Variants in CEP126 observed in about 807,000 individuals in gnomAD.
The protein encoded by CEP126 is centrosomal protein 126.
CEP126 carries 74 observed loss-of-function variants against 107.8 expected under a neutral mutation model. The observed-to-expected ratio is 0.69, with a 90% CI of 0.57 to 0.83. CEP126 has a LOEUF of 0.83. Ranked by LOEUF, CEP126 falls within the 40% of genes least tolerant of loss-of-function variation. The pLI, the probability that CEP126 is intolerant of heterozygous loss-of-function variation, is 0.00. For synonymous variants in CEP126, 449 were observed against 446.0 expected (o/e 1.01, Z -0.08); for missense variants, 1,237 against 1,281.9 (o/e 0.96, Z 0.53).
intron 5 of CEP126, among the ~76,000 whole-genome samples, chr11:101,961,394 T>C (rs1208694619): frequency 6.6e-6 from 1 of 152,122 alleles, no homozygotes; most frequent in African/African-American, 2.4e-5. Context: ...ATAATTATTT[T>C]TCAGAATCTC....
chr11:101,977,411 T>G (rs1941203291), intron 6 of CEP126, among the ~76,000 whole-genome samples: 1 of 151,808 alleles, frequency 6.6e-6, no homozygotes, highest in African/African-American at 2.4e-5. Context: ...GGCGGGCAGA[T>G]CACAAGGTCA....
At chr11:101,974,424 CAG>C (rs1306758144) in intron 6 of CEP126, among the ~76,000 whole-genome samples, 1 of 152,062 alleles carries the variant, frequency 6.6e-6, no homozygotes, top group Non-Finnish European at 1.5e-5. Flanking sequence ...AAGGAGTAAA[CAG>C]AACTGAAATG....
chr11:101,916,940 C>G (rs1940225175), intron 1 of CEP126, among the ~76,000 whole-genome samples: 1 of 150,662 alleles, frequency 6.6e-6, no homozygotes, highest in Non-Finnish European at 1.5e-5. Flanking sequence ...TAAAAAAGAT[C>G]CTTAAAGGCT....
Position 101,963,154 on chromosome 11 carries a change from G to C in CEP126, c.2119G>C (p.Asp707His). Residue 707 changes from aspartate to histidine, a missense_variant, in exon 6 of 11, where the codon GAC becomes CAC. By Grantham distance (81) the Asp-to-His change is moderately conservative. Around this residue, in one of 3 missense-constraint regions of CEP126, gnomAD observed 1,134 missense variants for 1,150.5 expected, o/e 0.99. Coordinates refer to ENST00000263468, the MANE Select transcript of CEP126 (RefSeq NM_020802.4). The stretch of plus-strand genomic sequence containing the variant: ...TACGACTTTAGGAGGATCTGGAGCA[G>C]ACCATATGCCTTTGAACTGTTTTAT... ...NVTTLGGSGA[D>H]HMPLNCFIPS... 6.2e-7 allele frequency: 1 copy of C among 1,614,060 alleles called. No individual in the cohort carries two copies. Among genetic ancestry groups the C allele is most frequent in the South Asian group, 1.1e-5 (1 of 91,058 alleles).
In CEP126 at chr11:101,963,380, A is replaced by G. The variant is rs1237230344; in HGVS notation, c.2345A>G (p.Gln782Arg). The change falls in exon 6 of 11, where the codon CAG becomes CGG. Residue 782 changes from glutamine (Q) to arginine (R), a missense_variant. Coordinates refer to ENST00000263468, the MANE Select transcript of CEP126 (RefSeq NM_020802.4). ...TNRKGAVIQP[Q>R]SASKVNIFTQ... ...AGAAAAGGCGCTGTCATTCAACCAC[A>G]GTCTGCAAGCAAAGTCAACATATTT... The G allele has an allele frequency of 6.2e-7, 1 of 1,614,054 alleles. No homozygotes were observed. The highest frequency in any genetic ancestry group is 8.5e-7 in the Non-Finnish European group (1 of 1,180,034).
intron 4 of CEP126, chr11:101,956,218 T>G (rs930469): frequency 8.9e-4 from 406 of 456,166 alleles, no homozygotes; most frequent in Non-Finnish European, 1.5e-3. Flanking sequence ...AGCATTCTAC[T>G]GCAGCCACTC....
chr11:101,974,496 A>G (rs1287778892), intron 6 of CEP126, among the ~76,000 whole-genome samples: 1 of 152,218 alleles, frequency 6.6e-6, no homozygotes, highest in African/African-American at 2.4e-5. Flanking sequence ...TGAGCTATCC[A>G]GCAAAGGAAG....
Position 101,915,426 on chromosome 11 carries a change from C to G in CEP126, c.128+14C>G, listed in dbSNP as rs759863209. 1 of 1,598,022 alleles carries G rather than the reference C, an allele frequency of 6.3e-7. No homozygotes were observed. Among genetic ancestry groups the G allele is most frequent in the Non-Finnish European group, 8.6e-7 (1 of 1,168,832 alleles). ...TGGCTCTTACCTGTATCCTTCCCAG[C>G]CTGTGGCTGCCAGGGTAGCGATGTT... On this transcript the variant is annotated intron_variant, in intron 1 of 10. Coordinates refer to ENST00000263468, the MANE Select transcript of CEP126 (RefSeq NM_020802.4).
intron 2 of CEP126, among the ~76,000 whole-genome samples, chr11:101,926,332 G>T (rs894436579): frequency 2.0e-5 from 3 of 152,162 alleles, no homozygotes; most frequent in African/African-American, 7.2e-5. Flanking sequence ...AGAACAATAT[G>T]TGAAAAAGCC....
At chr11:101,958,070 AAC>A in intron 4 of CEP126, 96 bp from the exon 5 acceptor site, 2 of 993,628 alleles carry the variant, frequency 2.0e-6, no homozygotes, top group South Asian at 1.6e-5. Context: ...TATCTGGACA[AAC>A]ACACACGTAT....
At position 101,922,750 on chromosome 11, in the gene CEP126, C is replaced by T. The variant is rs571445055; in HGVS notation, c.238C>T (p.Arg80Trp). The T allele has an allele frequency of 2.1e-5, 34 of 1,610,316 alleles. No individual in the cohort carries two copies. The South Asian group carries it at 2.3e-4, about 11-fold the overall frequency. Residue 80 changes from arginine to tryptophan, a missense_variant, in exon 2 of 11, where the codon CGG becomes TGG. Transcript: ENST00000263468. ...RARKYFVESNRRKKAFEEKRK... is the reference protein window; with the variant it reads ...RARKYFVESNWRKKAFEEKRK... Reference sequence around the variant, plus strand: ...ACGTAAATATTTTGTGGAGTCAAATCGGAGAAAAAAGTAAGTAATTGCACT... The same window carrying T: ...ACGTAAATATTTTGTGGAGTCAAATTGGAGAAAAAAGTAAGTAATTGCACT...
rs2137112952 is a variant in CEP126 at position 101,963,068 on chromosome 11, C to A, written c.2033C>A (p.Thr678Asn). The A allele has an allele frequency of 1.2e-6, 2 of 1,614,096 alleles. No homozygotes were observed. Among genetic ancestry groups the A allele is most frequent in the East Asian group, 4.5e-5 (2 of 44,870 alleles). ...GGAAGCAACATAATTAGTGTTTCTA[C>A]TTGTGCTGTAAATTCTGCTGATACA... Reference protein sequence around the residue: ...GAGSNIISVSTCAVNSADTKK... With the variant: ...GAGSNIISVSNCAVNSADTKK... Residue 678 changes from threonine to asparagine, a missense_variant, in exon 6 of 11, where the codon ACT (threonine) becomes AAT (asparagine). Coordinates refer to ENST00000263468, the MANE Select transcript of CEP126 (RefSeq NM_020802.4).
chr11:101,972,094 C>CA, intron 6 of CEP126, among the ~76,000 whole-genome samples: 1 of 150,492 alleles, frequency 6.6e-6, no homozygotes, highest in East Asian at 2.0e-4. Flanking sequence ...GGCAATAGAG[C>CA]AAGACCCAGT....
In CEP126 at chr11:101,927,954, T is replaced by G. The variant is rs549491750; in HGVS notation, c.248+5194T>G. On this transcript the variant is annotated intron_variant, in intron 2 of 10. Coordinates refer to ENST00000263468, the MANE Select transcript of CEP126 (RefSeq NM_020802.4). ...GTTAGGTCATATGGTAGTTGCCCAT[T>G]TAGTGTGTTTAAAAACTGCCAGCCG... Among the ~76,000 whole-genome samples the G allele has an allele frequency of 1.4e-3, 213 of 152,260 alleles. 1 individual carries two copies. The highest frequency in any genetic ancestry group is 4.7e-3 in the African/African-American group (194 of 41,532).
At chr11:101,948,922 A>G (rs924756613) in intron 4 of CEP126, among the ~76,000 whole-genome samples, 5 of 152,190 alleles carry the variant, frequency 3.3e-5, no homozygotes, top group African/African-American at 1.2e-4. Context: ...ACCTGTGCAT[A>G]ATGTTATTCC....
chr11:101,954,622 CTG>C (rs1006941877), intron 4 of CEP126, among the ~76,000 whole-genome samples: 4 of 151,604 alleles, frequency 2.6e-5, no homozygotes, highest in South Asian at 4.2e-4. Flanking sequence ...CTATATCTAT[CTG>C]TGTGTGTATG....
Position 101,915,186 on chromosome 11 carries a change from G to A in CEP126, c.-99G>A. ...CGCGCCCGTGACGCGGGGCCTGAGA[G>A]ACGGAGTGTAGGGAGGGGCCGAGCA... On this transcript the variant is annotated 5_prime_UTR_variant, in exon 1 of 11. Transcript: ENST00000263468. 2.0e-6 allele frequency: 3 copies of A among 1,537,500 alleles called. No homozygotes were observed. Among genetic ancestry groups the A allele is most frequent in the Non-Finnish European group, 2.6e-6 (3 of 1,133,998 alleles).
intron 10 of CEP126, among the ~76,000 whole-genome samples, chr11:101,995,918 A>G (rs530267064): frequency 1.3e-5 from 2 of 152,354 alleles, no homozygotes; most frequent in East Asian, 3.9e-4. Context: ...CATTCTAAAA[A>G]TACATCATGA....
At chr11:101,937,830 C>T (rs1270283765) in intron 2 of CEP126, among the ~76,000 whole-genome samples, 3 of 151,700 alleles carry the variant, frequency 2.0e-5, no homozygotes, top group African/African-American at 2.4e-5. Context: ...TCTTTTGTGT[C>T]GGTTTTGGAA....
Sources: allele counts gnomAD v4.1 joint callset (sites outside exome capture counted in the v4.1 genomes callset), GRCh38; gene constraint gnomAD v4.1.1; regional missense constraint gnomAD v4.1.1; transcripts MANE v1.5; gene names NCBI Gene and HGNC (gene_info 2026-07-23, HGNC 2026-07-21).